R3HDM2: variants seen among roughly 807,000 people sequenced by gnomAD.
R3HDM2 encodes R3H domain-containing protein 2.
A neutral mutation model predicts 124.5 loss-of-function variants in R3HDM2; 38 were observed. The ratio of observed to expected loss-of-function variants is 0.31; its 90% confidence interval spans 0.24 to 0.40. R3HDM2 has a LOEUF of 0.40. Among genes scored for constraint, R3HDM2 ranks in the 10% least tolerant of loss-of-function variants. The pLI is 1.00. For missense variants in R3HDM2, 869 were observed against 1,236.9 expected, an observed-to-expected ratio of 0.70 and a Z score of 4.46; for synonymous variants, 391 against 448.0, an observed-to-expected ratio of 0.87 and a Z score of 1.61.
At chr12:57,375,727 C>T (rs762876350) in intron 2 of R3HDM2, among the ~76,000 whole-genome samples, 13 of 148,912 alleles carry the variant, frequency 8.7e-5, no homozygotes, top group Non-Finnish European at 1.6e-4. Flanking sequence ...GGCTGGAGTG[C>T]AGCGGTGCAA....
chr12:57,360,036 T>C lies in R3HDM2; in HGVS notation c.-36+35713A>G, dbSNP rs60231726. Among the ~76,000 whole-genome samples, 683 of 77,928 alleles carry C rather than the reference T, an allele frequency of 8.8e-3. 7 individuals carry two copies. The highest frequency in any genetic ancestry group is 0.041 in the South Asian group (100 of 2,462). 51.1% of individuals were successfully genotyped at this position (77,928 alleles called of 152,430 possible). On this transcript the variant is annotated intron_variant, in intron 2 of 23. Transcript: ENST00000402412. ...ATATATATATATACACACATATATA[T>C]ATATATATATATTTTTTTTTTTTTT...
In R3HDM2 at chr12:57,268,510, TG is replaced by T. The variant is rs1490447479; in HGVS notation, c.1876-54del. The stretch of plus-strand genomic sequence containing the variant: ...CACATTCGCATTCACATTGAGCTCA[TG>T]CAGAAACAGCCTAGTCATCACGAGA... On this transcript the variant is annotated intron_variant, in intron 17 of 23. Transcript: ENST00000402412. 15 of 1,577,854 alleles carry T rather than the reference TG, an allele frequency of 9.5e-6. No homozygotes were observed. In the East Asian group the frequency reaches 3.4e-4, roughly 35 times the overall value.
At chr12:57,261,757 CAAAAAAAAAA>C (rs35440132) in intron 19 of R3HDM2, among the ~76,000 whole-genome samples, 18 of 82,018 alleles carry the variant, frequency 2.2e-4, no homozygotes, top group African/African-American at 6.2e-4. Context: ...ATAGACGTGG[CAAAAAAAAAA>C]AAAAAAAAAA....
chr12:57,378,947 G>A (rs528762248), intron 2 of R3HDM2, among the ~76,000 whole-genome samples: 36 of 152,248 alleles, frequency 2.4e-4, no homozygotes, highest in African/African-American at 8.4e-4. Context: ...TTGACGACAC[G>A]CTAAAGCCAG....
chr12:57,370,117 C>T (rs1236330107), intron 2 of R3HDM2, among the ~76,000 whole-genome samples: 2 of 152,068 alleles, frequency 1.3e-5, no homozygotes, highest in African/African-American at 4.8e-5. Context: ...AATTATAATC[C>T]CCACATGTGT....
intron 2 of R3HDM2, among the ~76,000 whole-genome samples, chr12:57,340,156 T>C (rs1413312132): frequency 6.6e-6 from 1 of 152,204 alleles, no homozygotes; most frequent in African/African-American, 2.4e-5. Context: ...GTCTATCTTA[T>C]CTACCCTCAA....
At chr12:57,423,136 C>G (rs550896067) in intron 1 of R3HDM2, among the ~76,000 whole-genome samples, 1 of 152,066 alleles carries the variant, frequency 6.6e-6, no homozygotes, top group African/African-American at 2.4e-5. Context: ...GAAAAGAGAT[C>G]TGTGGCCGGG....
At chr12:57,378,865 G>T (rs1406497664) in intron 2 of R3HDM2, among the ~76,000 whole-genome samples, 1 of 152,112 alleles carries the variant, frequency 6.6e-6, no homozygotes, top group African/African-American at 2.4e-5. Context: ...TCCAAATGTG[G>T]TATATACATG....
chr12:57,403,584 G>A (rs537894854), intron 1 of R3HDM2, among the ~76,000 whole-genome samples: 2 of 152,124 alleles, frequency 1.3e-5, no homozygotes, highest in Non-Finnish European at 2.9e-5. Flanking sequence ...AGGGGCGGGT[G>A]TATTGCTTGA....
chr12:57,408,266 T>C, intron 1 of R3HDM2, among the ~76,000 whole-genome samples: 1 of 152,122 alleles, frequency 6.6e-6, no homozygotes, highest in Admixed American at 6.6e-5. Context: ...GGGTTCTCAC[T>C]GTATTGCTCA....
At chr12:57,354,680 A>T (rs2061061507) in intron 2 of R3HDM2, among the ~76,000 whole-genome samples, 2 of 151,974 alleles carry the variant, frequency 1.3e-5, no homozygotes, top group Admixed American at 1.3e-4. Flanking sequence ...GTTTGTTCAC[A>T]TCTCTTGTCC....
At chr12:57,308,531 A>G (rs933463687) in intron 3 of R3HDM2, among the ~76,000 whole-genome samples, 7 of 151,776 alleles carry the variant, frequency 4.6e-5, no homozygotes, top group Non-Finnish European at 7.4e-5. Flanking sequence ...CTAAAAATAC[A>G]AAAAATTAGC....
chr12:57,307,244 A>C lies in R3HDM2; in HGVS notation c.165+3020T>G, dbSNP rs116380587. On this transcript the variant is annotated intron_variant, in intron 3 of 23. Coordinates refer to ENST00000402412, the MANE Select transcript of R3HDM2 (RefSeq NM_001394031.1). Reference sequence around the variant, plus strand: ...AGGGACTTTTTTGAAAGGACCACTTAGATTCTTGGGGAGACTTCTAGGGTA... The same window carrying C: ...AGGGACTTTTTTGAAAGGACCACTTCGATTCTTGGGGAGACTTCTAGGGTA... 9.0e-3 allele frequency among the ~76,000 whole-genome samples: 1,376 copies of C among 152,236 alleles called. 11 individuals are homozygous for C. The highest frequency in any genetic ancestry group is 0.032 in the African/African-American group (1,336 of 41,540).
At chr12:57,386,332 C>A (rs1013261003) in intron 2 of R3HDM2, among the ~76,000 whole-genome samples, 1 of 152,332 alleles carries the variant, frequency 6.6e-6, no homozygotes, top group South Asian at 2.1e-4. Context: ...GGGCGGGAAC[C>A]GAGGCTGCCC....
intron 10 of R3HDM2, 62 bp from the exon 11 acceptor site, chr12:57,292,729 C>T: frequency 1.9e-6 from 2 of 1,047,658 alleles, no homozygotes. Flanking sequence ...TCACTGCACA[C>T]CAGCAAGGAA....
chr12:57,404,490 G>A (rs1358358764), intron 1 of R3HDM2, among the ~76,000 whole-genome samples: 1 of 151,726 alleles, frequency 6.6e-6, no homozygotes, highest in Non-Finnish European at 1.5e-5. Context: ...GAGGTCAAGA[G>A]ATCGAGACCA....
intron 2 of R3HDM2, among the ~76,000 whole-genome samples, chr12:57,341,868 G>C (rs566437215): frequency 6.6e-6 from 1 of 152,280 alleles, no homozygotes; most frequent in Non-Finnish European, 1.5e-5. Context: ...AATCACCACT[G>C]TTCTCATAAG....
At chr12:57,270,602 T>G (rs1036889219) in intron 14 of R3HDM2, among the ~76,000 whole-genome samples, 4 of 151,790 alleles carry the variant, frequency 2.6e-5, no homozygotes, top group African/African-American at 4.8e-5. Context: ...GCTAATTTTT[T>G]TTGTATTTTT....
At chr12:57,290,445 C>T (rs1293851894) in intron 11 of R3HDM2, among the ~76,000 whole-genome samples, 1 of 152,194 alleles carries the variant, frequency 6.6e-6, no homozygotes, top group Non-Finnish European at 1.5e-5. Context: ...GCAGTGTGAA[C>T]TTAGGTGGCT....
Sources: gnomAD v4.1 joint callset for allele counts (sites outside exome capture counted in the v4.1 genomes callset) on GRCh38, gnomAD v4.1.1 for gene constraint, MANE v1.5 for transcripts, NCBI Gene and HGNC (gene_info 2026-07-23, HGNC 2026-07-21) for gene names.